The following PPEF1 variants were observed in gnomAD, a reference collection of about 807,000 sequenced individuals.
PPEF1 encodes the protein serine/threonine-protein phosphatase with EF-hands 1.
In PPEF1, 12 loss-of-function variants were observed where a neutral mutation model predicts 53.3. The observed-to-expected ratio is 0.23, with a 90% confidence interval of 0.14 to 0.36. The LOEUF is 0.36. Among genes scored for constraint, PPEF1 ranks in the 10% least tolerant of loss-of-function variants. The pLI is 1.00. For missense variants in PPEF1, 334 were observed against 490.4 expected, an observed-to-expected ratio of 0.68 and a Z score of 3.01; for synonymous variants, 165 against 176.7, an observed-to-expected ratio of 0.93 and a Z score of 0.52.
intron 5 of PPEF1, among the ~76,000 whole-genome samples, chrX:18,699,162 G>T (rs376951244): frequency 9.0e-6 from 1 of 110,944 alleles, no homozygotes; most frequent in Non-Finnish European, 1.9e-5. Flanking sequence ...TACTCTTGGC[G>T]TCCCCACCAT....
chrX:18,679,376 CCT>C (rs1928794569), upstream of PPEF1, among the ~76,000 whole-genome samples: 1 of 112,187 alleles, frequency 8.9e-6, no homozygotes, highest in African/African-American at 3.2e-5. Flanking sequence ...CCGTGCCTGG[CCT>C]CTGTTTTCTT....
intron 4 of PPEF1, among the ~76,000 whole-genome samples, chrX:18,752,711 C>T (rs766874760): frequency 7.6e-5 from 7 of 92,160 alleles, no homozygotes; most frequent in African/African-American, 1.5e-4. Context: ...GAAAAGTTGT[C>T]GGGTTTTGTC....
At chrX:18,757,483 T>C (rs894604097) in intron 4 of PPEF1, 144 bp from the exon 5 acceptor site, 3 of 464,899 alleles carry the variant, frequency 6.5e-6, no homozygotes, top group Admixed American at 6.3e-5. Context: ...TGGGCTAGAA[T>C]GATCTATTTC....
At chrX:18,738,334 T>TC (rs1485052192) in intron 3 of PPEF1, among the ~76,000 whole-genome samples, 5 of 111,866 alleles carry the variant, frequency 4.5e-5, no homozygotes, top group African/African-American at 1.6e-4. Flanking sequence ...TGACAAAATC[T>TC]CTCAGCATTT....
chrX:18,816,186 G>A (rs1003193137), intron 12 of PPEF1, among the ~76,000 whole-genome samples: 1 of 110,920 alleles, frequency 9.0e-6, no homozygotes, highest in African/African-American at 3.3e-5. Context: ...GTTTTGGTAT[G>A]TTGTATTTTC....
rs778804772 is a variant in PPEF1, at chrX:18,765,177, G to A, written c.558+3601G>A. ...ATGGATTTGGGTAGAGAGGTGAGAGGGATGTCTGGAAAACAGAAGTGTGCA... is the reference window on the plus strand; with the variant it reads ...ATGGATTTGGGTAGAGAGGTGAGAGAGATGTCTGGAAAACAGAAGTGTGCA... On this transcript the variant is annotated intron_variant, in intron 6 of 15. Coordinates refer to ENST00000470157, the MANE Select transcript of PPEF1 (RefSeq NM_001377996.1). Among the ~76,000 whole-genome samples, 4 of 111,736 alleles carry A rather than the reference G, an allele frequency of 3.6e-5. No homozygotes were observed. The South Asian group carries it at 1.5e-3, about 42-fold the overall frequency.
At chrX:18,760,873 G>A (rs925201006) in intron 5 of PPEF1, among the ~76,000 whole-genome samples, 10 of 104,117 alleles carry the variant, frequency 9.6e-5, no homozygotes, top group Admixed American at 6.4e-4. Flanking sequence ...TCCACCTCCC[G>A]GGTTCAAGCG....
intron 6 of PPEF1, among the ~76,000 whole-genome samples, chrX:18,762,994 G>T (rs1008884450): frequency 9.0e-6 from 1 of 111,572 alleles, no homozygotes; most frequent in East Asian, 2.8e-4. Context: ...CAGGGAGAAG[G>T]CCTGGAAATT....
intron 1 of PPEF1, among the ~76,000 whole-genome samples, chrX:18,711,398 A>C (rs1222306845): frequency 9.0e-6 from 1 of 110,553 alleles, no homozygotes; most frequent in East Asian, 2.8e-4. Flanking sequence ...GTTACGCTAA[A>C]AGCCCAGACT....
At chrX:18,690,387 G>A (rs756939388) in intron 3 of PPEF1, among the ~76,000 whole-genome samples, 1 of 101,690 alleles carries the variant, frequency 9.8e-6, no homozygotes, top group Admixed American at 1.1e-4. Context: ...TTGGCGGGGG[G>A]CAGGCGTGGA....
chrX:18,758,114 C>T (rs888606312), intron 5 of PPEF1, among the ~76,000 whole-genome samples: 3 of 111,553 alleles, frequency 2.7e-5, no homozygotes, highest in Non-Finnish European at 5.6e-5. Flanking sequence ...AAGCCCGTGG[C>T]GGGGTGAAGA....
At chrX:18,734,631 T>C (rs1039799743) in intron 3 of PPEF1, among the ~76,000 whole-genome samples, 4 of 111,489 alleles carry the variant, frequency 3.6e-5, no homozygotes, top group African/African-American at 3.3e-5. Flanking sequence ...TATAATCCTT[T>C]GGGTATATAC....
chrX:18,776,690 G>A (rs944333689), intron 6 of PPEF1, among the ~76,000 whole-genome samples: 1 of 111,571 alleles, frequency 9.0e-6, no homozygotes, highest in African/African-American at 3.3e-5. Context: ...GGAGGCTGAG[G>A]TAGGCGGATC....
Position 18,827,607 on chromosome X carries a change from TC to T in PPEF1, c.*123del. 1 of 566,048 alleles carries T rather than the reference TC, an allele frequency of 1.8e-6. No homozygotes were observed. The highest frequency in any genetic ancestry group is 3.5e-5 in the East Asian group (1 of 28,393). 46.6% of individuals were successfully genotyped at this position (566,048 alleles called of 1,213,427 possible). ...GCAGAGAAAAGCAGATCCCAATTCA[TC>T]CCACAAACAGATGCATAGTATGGGT... On this transcript the variant is annotated 3_prime_UTR_variant, in exon 16 of 16. Coordinates refer to ENST00000470157, the MANE Select transcript of PPEF1 (RefSeq NM_001377996.1).
In PPEF1 at chrX:18,782,377, C is replaced by T; in HGVS notation, c.737C>T (p.Thr246Met). The change falls in exon 8 of 16, where the codon ACG becomes ATG. Residue 246 changes from threonine (T) to methionine (M), a missense_variant. Physicochemically the swap from Thr to Met is moderately conservative, Grantham distance 81. Coordinates refer to ENST00000470157, the MANE Select transcript of PPEF1 (RefSeq NM_001377996.1). ...DFMMNLRYGF[T>M]KEILHKYKLH... ...CCATTTTTTTTTAGGTATGGCTTCA[C>T]GAAAGAAATTTTGCATAAATATAAG... The T allele has an allele frequency of 2.6e-6, 3 of 1,136,162 alleles. No individual in the cohort carries two copies. The highest frequency in any genetic ancestry group is 3.6e-6 in the Non-Finnish European group (3 of 845,032). 93.6% of individuals were successfully genotyped at this position (1,136,162 alleles called of 1,213,427 possible). A position where few individuals can be genotyped will look rare whatever the true frequency, so the allele number is the denominator to read the frequency against.
At chrX:18,704,256 G>T (rs1351739202), upstream of PPEF1, among the ~76,000 whole-genome samples, 1 of 111,564 alleles carries the variant, frequency 9.0e-6, no homozygotes, top group Non-Finnish European at 1.9e-5. Context: ...AAAAGGGGTG[G>T]AAAAAATAGC....
In PPEF1 at chrX:18,700,018, C is replaced by T. The variant is rs368491660; in HGVS notation, c.-225-315C>T. On this transcript the variant is annotated intron_variant, in intron 5 of 21. Transcript: ENST00000361511. ...GTCCCTTTGGAAGCAGTCACGTGGC[C>T]GCTGACTTTGCAGCCCATTACTTGA... The T allele has an allele frequency of 2.0e-4, 22 of 111,749 alleles. 1 individual carries two copies. The highest frequency in any genetic ancestry group is 1.1e-3 in the Admixed American group (12 of 10,477). 9.2% of individuals were successfully genotyped at this position (111,749 alleles called of 1,213,427 possible).
chrX:18,778,418 C>T (rs775300911), intron 6 of PPEF1, among the ~76,000 whole-genome samples: 1 of 111,362 alleles, frequency 9.0e-6, no homozygotes, highest in Non-Finnish European at 1.9e-5. Context: ...AGAATATACC[C>T]GGGCTCTGCA....
At chrX:18,816,455 C>T (rs114037099) in intron 12 of PPEF1, among the ~76,000 whole-genome samples, 1,879 of 111,755 alleles carry the variant, frequency 0.017, 31 homozygotes, top group African/African-American at 0.058. Context: ...GGCCTAGCAT[C>T]GAGTCTATTG....
Sources: gnomAD v4.1 joint callset for allele counts (sites outside exome capture counted in the v4.1 genomes callset) on GRCh38, gnomAD v4.1.1 for gene constraint, MANE v1.5 for transcripts, NCBI Gene and HGNC (gene_info 2026-07-23, HGNC 2026-07-21) for gene names.